SPTLC2: variants seen among roughly 807,000 people sequenced by gnomAD.
SPTLC2 encodes the protein serine palmitoyltransferase 2.
SPTLC2 carries 21 observed loss-of-function variants against 62.0 expected under a neutral mutation model. The observed-to-expected ratio is 0.34, with a 90% confidence interval of 0.24 to 0.49. The LOEUF is 0.49. Ranked by LOEUF, SPTLC2 falls within the 20% of genes least tolerant of loss-of-function variation. The pLI is 0.99. For missense variants in SPTLC2, 511 were observed against 713.0 expected (o/e 0.72, Z 3.23); for synonymous variants, 261 against 261.8 (o/e 1.00, Z 0.03).
chr14:77,534,153 G>GTC (rs1245910780), intron 9 of SPTLC2, among the ~76,000 whole-genome samples: 3 of 128,446 alleles, frequency 2.3e-5, no homozygotes, highest in Admixed American at 8.2e-5. Context: ...ATGAGACCCT[G>GTC]TCTCTCTCTC....
intron 10 of SPTLC2, among the ~76,000 whole-genome samples, chr14:77,519,033 T>G (rs1371618960): frequency 6.6e-6 from 1 of 152,246 alleles, no homozygotes. Context: ...TTAGTTAATT[T>G]TGTCTACTAA....
intron 1 of SPTLC2, among the ~76,000 whole-genome samples, chr14:77,608,919 A>AAATAATAATAATAAT (rs56945046): frequency 1.8e-3 from 241 of 134,596 alleles, no homozygotes; most frequent in South Asian, 5.0e-3. Context: ...CTCCATCTCA[A>AAATAATAATAATAAT]AATAATAATA....
intron 2 of SPTLC2, among the ~76,000 whole-genome samples, chr14:77,591,099 A>C (rs1201053578): frequency 6.6e-6 from 1 of 152,242 alleles, no homozygotes; most frequent in Non-Finnish European, 1.5e-5. Flanking sequence ...TAGTAAGTAG[A>C]GATGACTGCT....
intron 5 of SPTLC2, among the ~76,000 whole-genome samples, chr14:77,563,942 T>A (rs919184784): frequency 4.7e-5 from 7 of 149,852 alleles, no homozygotes; most frequent in Admixed American, 4.6e-4. Context: ...AGCTACCTGG[T>A]TAAAAATGTA....
rs1313945699 is a variant in SPTLC2, at chr14:77,508,429, C to T, written c.*3855G>A. The T allele has an allele frequency of 6.6e-6, 1 of 152,218 alleles. No individual in the cohort carries two copies. The allele number at this position is 152,218 out of a possible 1,614,324, so 9.4% of individuals were successfully genotyped here. Reference sequence around the variant, plus strand: ...ACAACTGCCCATAACCCTACAAATCCTTGCAAAACAACAGTTACTCACATT... The same window carrying T: ...ACAACTGCCCATAACCCTACAAATCTTTGCAAAACAACAGTTACTCACATT... On this transcript the variant is annotated 3_prime_UTR_variant, in exon 12 of 12. Transcript: ENST00000216484.
chr14:77,544,163 C>T lies in SPTLC2; in HGVS notation c.1303+7933G>A, dbSNP rs1261129942. 2.0e-5 allele frequency among the ~76,000 whole-genome samples: 3 copies of T among 152,222 alleles called. No individual in the cohort carries two copies. In the East Asian group the frequency reaches 5.8e-4, roughly 29 times the overall value. ...CTAGGATTACAGACGTGTACCACCA[C>T]ACTTGGCTAATTTTTAGAATTTTTT... On this transcript the variant is annotated intron_variant, in intron 9 of 11. Transcript: ENST00000216484.
intron 9 of SPTLC2, among the ~76,000 whole-genome samples, chr14:77,528,482 C>G (rs759992940): frequency 1.3e-5 from 2 of 152,142 alleles, no homozygotes; most frequent in Non-Finnish European, 2.9e-5. Context: ...CTGCCCGCCT[C>G]GGCCTCCCAA....
At chr14:77,597,482 T>A (rs2079853827) in intron 1 of SPTLC2, 102 bp from the exon 2 acceptor site, 18 of 1,070,740 alleles carry the variant, frequency 1.7e-5, no homozygotes, top group Non-Finnish European at 2.2e-5. Context: ...CCTTAAGAAT[T>A]TTCTAAGTTC....
intron 9 of SPTLC2, among the ~76,000 whole-genome samples, chr14:77,533,096 G>T (rs930984771): frequency 1.3e-5 from 2 of 152,048 alleles, no homozygotes; most frequent in African/African-American, 4.8e-5. Flanking sequence ...TTCGGAGTTT[G>T]AGACCAGCTT....
intron 9 of SPTLC2, among the ~76,000 whole-genome samples, chr14:77,528,096 T>C (rs1200966276): frequency 2.6e-5 from 4 of 152,246 alleles, no homozygotes; most frequent in African/African-American, 9.6e-5. Flanking sequence ...TTAGATTTCC[T>C]GAATATGCTG....
intron 9 of SPTLC2, among the ~76,000 whole-genome samples, chr14:77,530,932 T>G (rs1463723112): frequency 1.3e-5 from 2 of 152,240 alleles, no homozygotes. Flanking sequence ...CAATGCACGT[T>G]GGCCCACCCT....
intron 7 of SPTLC2, among the ~76,000 whole-genome samples, 187 bp downstream of exon 7, chr14:77,556,854 G>A (rs2079586944): frequency 1.3e-5 from 2 of 152,204 alleles, no homozygotes; most frequent in Non-Finnish European, 1.5e-5. Context: ...ATTATGGAAA[G>A]AATAACGAAG....
At chr14:77,522,879 T>G (rs2079391390) in intron 9 of SPTLC2, among the ~76,000 whole-genome samples, 2 of 152,216 alleles carry the variant, frequency 1.3e-5, no homozygotes. Context: ...GACATACAGA[T>G]AGCTAACAAT....
intron 9 of SPTLC2, among the ~76,000 whole-genome samples, chr14:77,531,920 G>A (rs2079443047): frequency 6.6e-6 from 1 of 152,016 alleles, no homozygotes; most frequent in Admixed American, 6.6e-5. Context: ...ACTTCAATAA[G>A]AATAAAAATA....
At chr14:77,553,058 C>G (rs1355081248) in intron 8 of SPTLC2, among the ~76,000 whole-genome samples, 1 of 152,066 alleles carries the variant, frequency 6.6e-6, no homozygotes, top group Non-Finnish European at 1.5e-5. Context: ...TAGAAACTTA[C>G]AAGGTATTTT....
chr14:77,587,868 A>C lies in SPTLC2; in HGVS notation c.328-8759T>G, dbSNP rs1468122180. Among the ~76,000 whole-genome samples, 4 of 145,946 alleles carry C rather than the reference A, an allele frequency of 2.7e-5. No individual in the cohort carries two copies. In the South Asian group the frequency reaches 8.8e-4, roughly 32 times the overall value. The stretch of plus-strand genomic sequence containing the variant: ...CATTATAAACATAATATTGCATATC[A>C]AAGACAAGATAGTAAAAAAAAAATC... On this transcript the variant is annotated intron_variant, in intron 2 of 11. Transcript: ENST00000216484.
intron 9 of SPTLC2, among the ~76,000 whole-genome samples, chr14:77,533,300 CA>C (rs35192294): frequency 0.2 from 19,587 of 98,704 alleles, 1,324 homozygotes; most frequent in African/African-American, 0.34. Context: ...AACTCCGTTG[CA>C]AAAAAAAAAA....
At chr14:77,607,632 T>C (rs959848947) in intron 1 of SPTLC2, among the ~76,000 whole-genome samples, 2 of 152,232 alleles carry the variant, frequency 1.3e-5, no homozygotes, top group African/African-American at 4.8e-5. Context: ...TATTAGAATT[T>C]TACTGCAAAT....
In SPTLC2 at chr14:77,557,166, A is replaced by G; in HGVS notation, c.851-20T>C. 6.3e-7 allele frequency: 1 copy of G among 1,587,088 alleles called. No individual in the cohort carries two copies. The highest frequency in any genetic ancestry group is 8.6e-7 in the Non-Finnish European group (1 of 1,157,764). On this transcript the variant is annotated intron_variant, in intron 6 of 11. Transcript: ENST00000216484. ...GCATATCTACAGAGCACAAAAAAGAACAGTTATACCGCATCTTCCTCTTTC... is the reference window on the plus strand; with the variant it reads ...GCATATCTACAGAGCACAAAAAAGAGCAGTTATACCGCATCTTCCTCTTTC...
Sources: allele counts gnomAD v4.1 joint callset (sites outside exome capture counted in the v4.1 genomes callset), GRCh38; gene constraint gnomAD v4.1.1; transcripts MANE v1.5; gene names NCBI Gene and HGNC (gene_info 2026-07-23, HGNC 2026-07-21).